USH2A: variants seen among roughly 807,000 people sequenced by gnomAD.
USH2A encodes the protein usherin.
In USH2A, 443 loss-of-function variants were observed where a neutral mutation model predicts 538.9. The ratio of observed to expected loss-of-function variants is 0.82; its 90% CI spans 0.76 to 0.89. The LOEUF (loss-of-function observed/expected upper bound fraction) is 0.89. Ranked by LOEUF, USH2A falls within the 40% of genes least tolerant of loss-of-function variation. The pLI is 0.00. For synonymous variants in USH2A, 2,413 were observed against 2,273.5 expected (o/e 1.06, Z -1.75); for missense variants, 6,633 against 6,324.8 (o/e 1.05, Z -1.65).
Position 216,073,936 on chromosome 1 carries a change from C to T in USH2A, c.5573-636G>A, listed in dbSNP as rs115890237. ...TGCTCTATCATTTTTCACAGAGTTC[C>T]ATAATCTTGAACATACAAAATGGTC... On this transcript the variant is annotated intron_variant, in intron 27 of 71. Transcript: ENST00000307340. Among the ~76,000 whole-genome samples, 213 of 152,316 alleles carry T rather than the reference C, an allele frequency of 1.4e-3. 1 individual carries two copies. Among genetic ancestry groups the T allele is most frequent in the African/African-American group, 5.0e-3 (208 of 41,574 alleles).
chr1:215,757,018 T>A (rs1660834707), intron 58 of USH2A, among the ~76,000 whole-genome samples: 1 of 152,156 alleles, frequency 6.6e-6, no homozygotes, highest in Non-Finnish European at 1.5e-5. Context: ...AATTTATATA[T>A]TTCCCACAGC....
intron 4 of USH2A, among the ~76,000 whole-genome samples, chr1:216,363,059 C>A (rs1359390180): frequency 6.6e-6 from 1 of 151,414 alleles, no homozygotes; most frequent in Non-Finnish European, 1.5e-5. Context: ...TTTTAGTGTG[C>A]GAAAATATAA....
chr1:215,868,117 A>G (rs951518979), intron 43 of USH2A, among the ~76,000 whole-genome samples: 1 of 152,192 alleles, frequency 6.6e-6, no homozygotes, highest in Non-Finnish European at 1.5e-5. Context: ...ATTTGGGTTT[A>G]TTAGATGATC....
At chr1:216,121,512 T>C (rs1023348250) in intron 21 of USH2A, among the ~76,000 whole-genome samples, 1 of 152,216 alleles carries the variant, frequency 6.6e-6, no homozygotes, top group African/African-American at 2.4e-5. Context: ...TTAGCTTTAA[T>C]CTTCTTACTA....
intron 38 of USH2A, among the ~76,000 whole-genome samples, chr1:215,904,325 G>A (rs185132984): frequency 9.2e-5 from 14 of 152,112 alleles, no homozygotes; most frequent in East Asian, 3.9e-4. Flanking sequence ...AAGATGTCAC[G>A]AATTCTCTTC....
chr1:215,795,344 C>T (rs907054452), intron 50 of USH2A, among the ~76,000 whole-genome samples: 6 of 152,108 alleles, frequency 3.9e-5, no homozygotes, highest in Non-Finnish European at 7.4e-5. Context: ...GTGATCTCTC[C>T]GTCTTAAGAA....
chr1:216,015,494 G>A (rs1224992907), intron 32 of USH2A, among the ~76,000 whole-genome samples: 1 of 152,128 alleles, frequency 6.6e-6, no homozygotes, highest in Non-Finnish European at 1.5e-5. Context: ...CTTGCAACAT[G>A]CTTTTCTTTG....
intron 69 of USH2A, among the ~76,000 whole-genome samples, chr1:215,636,273 G>A (rs1656481468): frequency 6.6e-6 from 1 of 152,154 alleles, no homozygotes; most frequent in African/African-American, 2.4e-5. Flanking sequence ...TTCAGAACTG[G>A]GGTGAAACTA....
chr1:215,976,054 G>T (rs1667613011), intron 35 of USH2A, among the ~76,000 whole-genome samples: 1 of 152,012 alleles, frequency 6.6e-6, no homozygotes, highest in Non-Finnish European at 1.5e-5. Flanking sequence ...TGTATGCCTA[G>T]GAATTTACTG....
At chr1:215,659,758 C>A (rs1001107988) in intron 64 of USH2A, among the ~76,000 whole-genome samples, 11 of 151,892 alleles carry the variant, frequency 7.2e-5, no homozygotes, top group African/African-American at 2.7e-4. Flanking sequence ...AGACTGCAAC[C>A]CTAATCGGTC....
chr1:216,267,471 AAG>A (rs930201056), intron 11 of USH2A, among the ~76,000 whole-genome samples: 3 of 152,114 alleles, frequency 2.0e-5, no homozygotes, highest in African/African-American at 4.8e-5. Flanking sequence ...AATTGTGATC[AAG>A]AGAGTTTTTA....
chr1:216,132,963 G>C (rs994864822), intron 21 of USH2A, among the ~76,000 whole-genome samples: 12 of 152,062 alleles, frequency 7.9e-5, no homozygotes, highest in African/African-American at 2.7e-4. Flanking sequence ...TTTTTAATAG[G>C]AAAAACATAT....
chr1:216,178,891 T>A (rs1429265423), intron 20 of USH2A, among the ~76,000 whole-genome samples: 1 of 152,180 alleles, frequency 6.6e-6, no homozygotes, highest in Non-Finnish European at 1.5e-5. Context: ...GATTCATGAC[T>A]ACCATACTGG....
chr1:216,387,172 G>A (rs1047701586), intron 3 of USH2A, among the ~76,000 whole-genome samples: 1 of 152,152 alleles, frequency 6.6e-6, no homozygotes, highest in Non-Finnish European at 1.5e-5. Context: ...GAAGAAATAG[G>A]CTGAACACTG....
chr1:215,853,221 T>A (rs1664066346), intron 44 of USH2A, among the ~76,000 whole-genome samples: 1 of 152,198 alleles, frequency 6.6e-6, no homozygotes, highest in African/African-American at 2.4e-5. Context: ...CTCAACATCA[T>A]GTGGAAGCTG....
chr1:215,983,579 G>T (rs932161060), intron 35 of USH2A, among the ~76,000 whole-genome samples: 1 of 151,958 alleles, frequency 6.6e-6, no homozygotes, highest in African/African-American at 2.4e-5. Context: ...TTAGCATGAA[G>T]AAAGTCATTT....
At chr1:216,111,180 G>A (rs1237305491) in intron 21 of USH2A, among the ~76,000 whole-genome samples, 1 of 152,124 alleles carries the variant, frequency 6.6e-6, no homozygotes, top group Non-Finnish European at 1.5e-5. Flanking sequence ...GCAGTGAGCC[G>A]AGATCGTGCC....
At chr1:216,169,179 G>A (rs1468434541) in intron 21 of USH2A, among the ~76,000 whole-genome samples, 3 of 152,104 alleles carry the variant, frequency 2.0e-5, no homozygotes, top group Non-Finnish European at 4.4e-5. Context: ...AGGAACACAC[G>A]TGTGGTTTAT....
chr1:216,164,780 A>G (rs745363865), intron 21 of USH2A, among the ~76,000 whole-genome samples: 7 of 152,162 alleles, frequency 4.6e-5, no homozygotes, highest in Non-Finnish European at 8.8e-5. Context: ...GACATAAAAT[A>G]TATGTATGCA....
Sources: gnomAD v4.1 joint callset for allele counts (sites outside exome capture counted in the v4.1 genomes callset) on GRCh38, gnomAD v4.1.1 for gene constraint, MANE v1.5 for transcripts, NCBI Gene and HGNC (gene_info 2026-07-23, HGNC 2026-07-21) for gene names.